RBFOX1: variants seen among roughly 807,000 people sequenced by gnomAD.
The protein encoded by RBFOX1 is RNA binding protein fox-1 homolog 1.
A neutral mutation model predicts 57.7 loss-of-function variants in RBFOX1; 8 were observed. The ratio of observed to expected loss-of-function variants is 0.14; its 90% CI spans 0.08 to 0.25. The LOEUF (loss-of-function observed/expected upper bound fraction) is 0.25. Among genes scored for constraint, RBFOX1 ranks in the 10% least tolerant of loss-of-function variants. The pLI is 1.00. For synonymous variants in RBFOX1, 326 were observed against 222.4 expected, an observed-to-expected ratio of 1.47 and a Z score of -4.15; for missense variants, 611 against 548.5, an observed-to-expected ratio of 1.11 and a Z score of -1.14.
At chr16:7,366,873 T>C (rs915939581) in intron 4 of RBFOX1, among the ~76,000 whole-genome samples, 1 of 152,104 alleles carries the variant, frequency 6.6e-6, no homozygotes. Context: ...AGAAAGCGCA[T>C]AGAGCTTTTG....
chr16:6,810,112 T>G (rs1280365849), intron 3 of RBFOX1, among the ~76,000 whole-genome samples: 2 of 152,020 alleles, frequency 1.3e-5, no homozygotes, highest in Non-Finnish European at 1.5e-5. Flanking sequence ...TCTTTTCTTG[T>G]CAACATTTAC....
intron 1 of RBFOX1, among the ~76,000 whole-genome samples, chr16:6,187,626 C>A (rs897339853): frequency 6.6e-5 from 10 of 152,138 alleles, no homozygotes; most frequent in African/African-American, 2.4e-4. Context: ...TTAATCCAGG[C>A]TGGAGATCAG....
At chr16:5,293,272 C>G (rs752309085) in intron 1 of RBFOX1, among the ~76,000 whole-genome samples, 1 of 152,124 alleles carries the variant, frequency 6.6e-6, no homozygotes, top group Non-Finnish European at 1.5e-5. Flanking sequence ...CCTGTGTCCA[C>G]ACCCCATGAA....
intron 1 of RBFOX1, among the ~76,000 whole-genome samples, chr16:6,043,083 A>T (rs956968511): frequency 7.3e-5 from 10 of 136,572 alleles, no homozygotes; most frequent in African/African-American, 2.8e-4. Context: ...ACATCATTAT[A>T]CTGCAGCCTG....
At chr16:6,062,275 A>G (rs1029574713) in intron 1 of RBFOX1, among the ~76,000 whole-genome samples, 1 of 143,982 alleles carries the variant, frequency 6.9e-6, no homozygotes, top group Non-Finnish European at 1.5e-5. Context: ...GCCATTGGTG[A>G]TCAACTCCAT....
At chr16:7,266,160 A>G (rs944858902) in intron 4 of RBFOX1, among the ~76,000 whole-genome samples, 3 of 151,610 alleles carry the variant, frequency 2.0e-5, no homozygotes, top group African/African-American at 7.3e-5. Flanking sequence ...ATTTTTTAGT[A>G]CAGACGGGGT....
At chr16:6,680,916 C>T (rs138604991) in intron 3 of RBFOX1, among the ~76,000 whole-genome samples, 96 of 152,306 alleles carry the variant, frequency 6.3e-4, no homozygotes, top group African/African-American at 2.3e-3. Flanking sequence ...ACAAAGATTA[C>T]AATATAAATG....
intron 3 of RBFOX1, among the ~76,000 whole-genome samples, chr16:7,023,792 C>T (rs1172930835): frequency 6.6e-6 from 1 of 152,032 alleles, no homozygotes; most frequent in African/African-American, 2.4e-5. Flanking sequence ...CCTCGGCATC[C>T]TTCTGAACAC....
In RBFOX1 at chr16:7,411,388, C is replaced by G. The variant is rs765336848; in HGVS notation, c.28-106759C>G. Among the ~76,000 whole-genome samples the G allele has an allele frequency of 2.0e-4, 31 of 152,282 alleles. 1 individual carries two copies. The highest frequency in any genetic ancestry group is 1.0e-3 in the South Asian group (5 of 4,828). On this transcript the variant is annotated intron_variant, in intron 4 of 15. Coordinates refer to ENST00000550418, the MANE Select transcript of RBFOX1 (RefSeq NM_018723.4). ...GTGTATGGAATTTCAGTTCTACACT[C>G]TTCCTTCTCTAAATTTCACCCGGTC...
At chr16:7,706,672 T>A (rs569275338) in intron 14 of RBFOX1, among the ~76,000 whole-genome samples, 84 of 152,318 alleles carry the variant, frequency 5.5e-4, no homozygotes, top group African/African-American at 1.8e-3. Flanking sequence ...GGATTTCAGT[T>A]TGCCTCTGCA....
intron 2 of RBFOX1, among the ~76,000 whole-genome samples, chr16:6,511,914 A>G (rs1463539382): frequency 2.0e-5 from 3 of 152,012 alleles, no homozygotes; most frequent in South Asian, 2.1e-4. Flanking sequence ...CTATTTCATA[A>G]AGTTCAGATT....
intron 14 of RBFOX1, among the ~76,000 whole-genome samples, chr16:7,701,000 G>C (rs1409160947): frequency 1.3e-5 from 2 of 151,944 alleles, no homozygotes; most frequent in South Asian, 2.1e-4. Context: ...GCAAAAAAAA[G>C]CAAGTTCTGT....
intron 3 of RBFOX1, among the ~76,000 whole-genome samples, chr16:5,829,814 A>G (rs1486834931): frequency 1.3e-5 from 2 of 152,242 alleles, no homozygotes; most frequent in Admixed American, 6.5e-5. Context: ...AGAATCAAAG[A>G]GAAATTAGAA....
intron 1 of RBFOX1, among the ~76,000 whole-genome samples, chr16:5,403,065 C>A (rs1351610577): frequency 6.6e-6 from 1 of 152,126 alleles, no homozygotes; most frequent in Non-Finnish European, 1.5e-5. Context: ...AAAACCCTTA[C>A]TACGGGCGGG....
At chr16:7,171,594 G>A (rs1033226415) in intron 4 of RBFOX1, among the ~76,000 whole-genome samples, 2 of 152,154 alleles carry the variant, frequency 1.3e-5, no homozygotes, top group Non-Finnish European at 2.9e-5. Flanking sequence ...CTCTCTTTAT[G>A]TTCTGAACCG....
intron 1 of RBFOX1, among the ~76,000 whole-genome samples, chr16:6,090,352 G>A (rs1342072403): frequency 1.3e-5 from 2 of 152,156 alleles, no homozygotes; most frequent in Non-Finnish European, 2.9e-5. Flanking sequence ...CAGGTATCAT[G>A]ACATGCACAT....
intron 4 of RBFOX1, among the ~76,000 whole-genome samples, chr16:7,301,215 G>A (rs979623566): frequency 6.6e-6 from 1 of 152,224 alleles, no homozygotes; most frequent in African/African-American, 2.4e-5. Context: ...CCTGATTAAG[G>A]AGCACTGATG....
intron 1 of RBFOX1, among the ~76,000 whole-genome samples, chr16:5,404,553 T>A (rs2066809991): frequency 6.6e-6 from 1 of 152,228 alleles, no homozygotes; most frequent in Non-Finnish European, 1.5e-5. Flanking sequence ...GGACAGAGGA[T>A]AGCTGTATCT....
chr16:7,168,509 C>T (rs988872858), intron 4 of RBFOX1, among the ~76,000 whole-genome samples: 26 of 152,122 alleles, frequency 1.7e-4, no homozygotes, highest in Non-Finnish European at 2.8e-4. Context: ...CATCATTTGG[C>T]TCATACTGGT....
Sources: gnomAD v4.1 joint callset for allele counts (sites outside exome capture counted in the v4.1 genomes callset) on GRCh38, gnomAD v4.1.1 for gene constraint, MANE v1.5 for transcripts, NCBI Gene and HGNC (gene_info 2026-07-23, HGNC 2026-07-21) for gene names.